TCTA: variants seen among roughly 807,000 people sequenced by gnomAD.
TCTA encodes the protein T cell leukemia translocation altered.
TCTA carries 13 observed loss-of-function variants against 13.5 expected under a neutral mutation model. The observed-to-expected ratio is 0.96, with a 90% CI of 0.63 to 1.53. TCTA has a LOEUF of 1.53. Ranked by LOEUF, TCTA falls within the 40% of genes most tolerant of loss-of-function variation. TCTA has a pLI of 0.00. For missense variants in TCTA, 138 were observed against 131.3 expected (o/e 1.05, Z -0.25); for synonymous variants, 58 against 59.0 (o/e 0.98, Z 0.08).
intron 1 of TCTA, 126 bp downstream of exon 1, chr3:49,412,766 C>A: frequency 8.6e-7 from 1 of 1,164,756 alleles, no homozygotes; most frequent in Non-Finnish European, 1.2e-6. Flanking sequence ...CACGGCCTTA[C>A]TACCCTGAAC....
chr3:49,413,132 G>A (rs373642992), intron 2 of TCTA, 22 bp downstream of exon 2: 2 of 1,613,674 alleles, frequency 1.2e-6, no homozygotes, highest in African/African-American at 1.3e-5. Context: ...TGTCCATACC[G>A]CAACCCCATG....
rs1417580611 is a variant in TCTA at position 49,413,155 on chromosome 3, A to G, written c.269+45A>G. 5 of 1,608,002 alleles carry G rather than the reference A, an allele frequency of 3.1e-6. No homozygotes were observed. The Admixed American group carries it at 8.3e-5, about 27-fold the overall frequency. ...CCGCAACCCCATGCTTGGCATTCCA[A>G]GGACACTCCTGTGCTGGTGACAGAG... On this transcript the variant is annotated intron_variant, in intron 2 of 2. Coordinates refer to ENST00000273590, the MANE Select transcript of TCTA (RefSeq NM_022171.3).
intron 1 of TCTA, 82 bp downstream of exon 1, chr3:49,412,722 C>A: frequency 6.8e-7 from 1 of 1,475,378 alleles, no homozygotes; most frequent in Admixed American, 1.8e-5. Flanking sequence ...TCCCCACTAT[C>A]CTGCAAGAGG....
At chr3:49,414,274 G>A (rs991044435) in intron 2 of TCTA, among the ~76,000 whole-genome samples, 11 of 151,602 alleles carry the variant, frequency 7.3e-5, no homozygotes, top group Admixed American at 2.6e-4. Context: ...GGTGGCTCAC[G>A]CCTGTTCCTA....
intron 2 of TCTA, chr3:49,413,385 G>T: frequency 2.1e-6 from 1 of 476,244 alleles, no homozygotes; most frequent in Non-Finnish European, 3.8e-6. Context: ...ATTCCACTCT[G>T]CACAATCCCC....
At chr3:49,414,783 A>G (rs767483971) in intron 2 of TCTA, 37 bp from the exon 3 acceptor site, 2 of 1,613,140 alleles carry the variant, frequency 1.2e-6, no homozygotes, top group Non-Finnish European at 1.7e-6. Flanking sequence ...TGCCCATGGA[A>G]TAACCACTCT....
In TCTA at chr3:49,416,151, G is replaced by T. The variant is rs563030151; in HGVS notation, c.*1289G>T. 2.6e-5 allele frequency: 4 copies of T among 153,514 alleles called. No homozygotes were observed. Among genetic ancestry groups the T allele is most frequent in the African/African-American group, 9.6e-5 (4 of 41,562 alleles). The allele number at this position is 153,514 out of a possible 1,614,324, so 9.5% of individuals were successfully genotyped here. ...GTTTCCAAAGATGTGGGTGGCAAAT[G>T]CCCCTATAGAAACACCAGTACCTGA... On this transcript the variant is annotated 3_prime_UTR_variant, in exon 3 of 3. Coordinates refer to ENST00000273590, the MANE Select transcript of TCTA (RefSeq NM_022171.3).
intron 2 of TCTA, 82 bp from the exon 3 acceptor site, chr3:49,414,738 A>G (rs2048986304): frequency 1.3e-6 from 2 of 1,539,838 alleles, no homozygotes; most frequent in African/African-American, 1.4e-5. Context: ...AGCCCCCAAG[A>G]AGGAGCTTGG....
chr3:49,413,245 C>G, intron 2 of TCTA, 135 bp downstream of exon 2: 2 of 949,836 alleles, frequency 2.1e-6, no homozygotes, highest in Non-Finnish European at 3.3e-6. Context: ...CAAGTCTGCA[C>G]GTAGAGCTCA....
chr3:49,412,553 C>T lies in TCTA; in HGVS notation c.127C>T (p.Leu43=), dbSNP rs762389867. 9.3e-6 allele frequency: 15 copies of T among 1,614,140 alleles called. No homozygotes were observed. The East Asian group carries it at 3.1e-4, about 34-fold the overall frequency. Residue 43 remains leucine (L), a synonymous_variant, in exon 1 of 3, where the codon CTG becomes TTG. Coordinates refer to ENST00000273590, the MANE Select transcript of TCTA (RefSeq NM_022171.3). The stretch of plus-strand genomic sequence containing the variant: ...GCGCGTGACCCTCTTCAAGCTGCTG[C>T]TGCTGTGGTTGGTGTTAAGTCTCCT... ...DMRVTLFKLL[L]LWLVLSLLGI... is the part of the protein sequence containing the mutation.
intron 2 of TCTA, among the ~76,000 whole-genome samples, chr3:49,414,157 C>G (rs2048981987): frequency 6.6e-6 from 1 of 151,952 alleles, no homozygotes; most frequent in Admixed American, 6.6e-5. Flanking sequence ...ATGAGAATCA[C>G]TTGAACCCAG....
intron 1 of TCTA, 78 bp downstream of exon 1, chr3:49,412,718 C>A: frequency 6.6e-7 from 1 of 1,510,692 alleles, no homozygotes; most frequent in Non-Finnish European, 9.1e-7. Flanking sequence ...GGGTTCCCCA[C>A]TATCCTGCAA....
intron 2 of TCTA, among the ~76,000 whole-genome samples, chr3:49,413,813 T>C (rs2048978654): frequency 2.0e-5 from 3 of 152,344 alleles, no homozygotes; most frequent in South Asian, 2.1e-4. Context: ...CTGGGAGCCA[T>C]TGAAAGACTA....
chr3:49,413,198 T>G, intron 2 of TCTA, 88 bp downstream of exon 2: 1 of 1,478,590 alleles, frequency 6.8e-7, no homozygotes, highest in Non-Finnish European at 9.4e-7. Flanking sequence ...TTCTCAGGCT[T>G]TAAGCCCACC....
chr3:49,412,547 C>T lies in TCTA; in HGVS notation c.121C>T (p.Leu41=), dbSNP rs772735343. 1.1e-5 allele frequency: 17 copies of T among 1,614,238 alleles called. No individual in the cohort carries two copies. Among genetic ancestry groups the T allele is most frequent in the Non-Finnish European group, 1.4e-5 (17 of 1,180,030 alleles). The change falls in exon 1 of 3, where the codon CTG becomes TTG. Residue 41 remains leucine (L), a synonymous_variant. Transcript: ENST00000273590. ...GGACATGCGCGTGACCCTCTTCAAG[C>T]TGCTGCTGCTGTGGTTGGTGTTAAG... ...AQDMRVTLFK[L]LLLWLVLSLL...
At chr3:49,413,219 C>A in intron 2 of TCTA, 109 bp downstream of exon 2, 2 of 1,253,394 alleles carry the variant, frequency 1.6e-6, no homozygotes, top group Non-Finnish European at 2.3e-6. Context: ...AGCTTAATGG[C>A]CTTTGCAGCA....
chr3:49,412,835 T>C (rs936015850), intron 1 of TCTA, 195 bp downstream of exon 1: 3 of 759,996 alleles, frequency 3.9e-6, no homozygotes, highest in African/African-American at 1.8e-5. Context: ...CGTTGTGCCC[T>C]GACTCATGCC....
rs911649770 is a variant in TCTA at position 49,415,765 on chromosome 3, G to T, written c.*903G>T. The stretch of plus-strand genomic sequence containing the variant: ...GGAGGCACCAAACACCCACATACCT[G>T]GCCCAACCAGACTTCTCCCGTGAGC... On this transcript the variant is annotated 3_prime_UTR_variant, in exon 3 of 3. Coordinates refer to ENST00000273590, the MANE Select transcript of TCTA (RefSeq NM_022171.3). 2.6e-5 allele frequency: 4 copies of T among 152,264 alleles called. No individual in the cohort carries two copies. Among genetic ancestry groups the T allele is most frequent in the Non-Finnish European group, 5.9e-5 (4 of 68,128 alleles). The allele number at this position is 152,264 out of a possible 1,614,324, so 9.4% of individuals were successfully genotyped here.
At position 49,412,571 on chromosome 3, in the gene TCTA, A is replaced by G; in HGVS notation, c.145A>G (p.Ser49Gly). ...GCTGCTGCTGCTGTGGTTGGTGTTA[A>G]GTCTCCTGGGCATCCAGCTGGCGTG... ...FKLLLLWLVL[S>G]LLGIQLAWGF... Residue 49 changes from serine (S) to glycine (G), a missense_variant, in exon 1 of 3, where the codon AGT becomes GGT. Coordinates refer to ENST00000273590, the MANE Select transcript of TCTA (RefSeq NM_022171.3). The G allele has an allele frequency of 6.2e-7, 1 of 1,614,236 alleles. No individual in the cohort carries two copies. Among genetic ancestry groups the G allele is most frequent in the Non-Finnish European group, 8.5e-7 (1 of 1,180,048 alleles).
Sources: gnomAD v4.1 joint callset for allele counts (sites outside exome capture counted in the v4.1 genomes callset) on GRCh38, gnomAD v4.1.1 for gene constraint, MANE v1.5 for transcripts, NCBI Gene and HGNC (gene_info 2026-07-23, HGNC 2026-07-21) for gene names.